The following CWC22 variants were observed in gnomAD, a reference collection of about 807,000 sequenced individuals.
The protein encoded by CWC22 is CWC22 spliceosome associated protein.
A neutral mutation model predicts 117.2 loss-of-function variants in CWC22; 53 were observed. The observed-to-expected ratio is 0.45, with a 90% confidence interval of 0.36 to 0.57. CWC22 has a LOEUF of 0.57. Ranked by LOEUF, CWC22 falls within the 20% of genes least tolerant of loss-of-function variation. The probability of loss-of-function intolerance (pLI) is 0.00; values close to 1 mark genes in which losing one functional copy is unlikely to be tolerated. For missense variants in CWC22, 980 were observed against 1,068.8 expected, an observed-to-expected ratio of 0.92 and a Z score of 1.16; for synonymous variants, 360 against 355.6, an observed-to-expected ratio of 1.01 and a Z score of -0.14.
intron 2 of CWC22, among the ~76,000 whole-genome samples, chr2:179,992,842 C>T (rs1319157621): frequency 6.6e-6 from 1 of 152,216 alleles, no homozygotes; most frequent in African/African-American, 2.4e-5. Flanking sequence ...AAGTACAGCA[C>T]AGAATAAAGA....
intron 6 of CWC22, among the ~76,000 whole-genome samples, chr2:179,974,399 T>C (rs1687105904): frequency 6.6e-6 from 1 of 152,242 alleles, no homozygotes; most frequent in South Asian, 2.1e-4. Flanking sequence ...GTAACTCATT[T>C]TGAAAATGGT....
chr2:179,984,605 G>C (rs1037653449), intron 4 of CWC22, among the ~76,000 whole-genome samples: 3 of 151,918 alleles, frequency 2.0e-5, no homozygotes, highest in Non-Finnish European at 4.4e-5. Context: ...ATCAAAAAAA[G>C]ATATTGATTT....
intron 19 of CWC22, among the ~76,000 whole-genome samples, chr2:179,950,169 G>A (rs1686408469): frequency 6.6e-6 from 1 of 152,076 alleles, no homozygotes; most frequent in African/African-American, 2.4e-5. Flanking sequence ...AATATTAAAA[G>A]TAAAAAACTA....
chr2:179,964,340 C>T (rs1192035854), intron 13 of CWC22, among the ~76,000 whole-genome samples: 2 of 152,044 alleles, frequency 1.3e-5, no homozygotes, highest in African/African-American at 4.8e-5. Context: ...ACAATTAGAC[C>T]TTCCCATTAA....
chr2:179,960,362 A>C (rs189383953), intron 13 of CWC22, among the ~76,000 whole-genome samples: 1 of 152,156 alleles, frequency 6.6e-6, no homozygotes, highest in African/African-American at 2.4e-5. Context: ...TAAATCTAAG[A>C]AAGAAAAAAA....
chr2:179,950,746 T>G lies in CWC22; in HGVS notation c.1920-14A>C, dbSNP rs750035515. 1.9e-5 allele frequency: 30 copies of G among 1,603,570 alleles called. 1 individual carries two copies. In the South Asian group the frequency reaches 2.6e-4, roughly 14 times the overall value. On this transcript the variant is annotated splice_polypyrimidine_tract_variant and intron_variant, in intron 18 of 19. Coordinates refer to ENST00000410053, the MANE Select transcript of CWC22 (RefSeq NM_020943.3). ...CGCAGTTCATCCCTAATTTAAAATA[T>G]AATCTGTTAGATTCTATTTCAAAGA...
rs916259140 is a variant in CWC22, at chr2:179,987,720, A to T, written c.95+857T>A. 7.2e-5 allele frequency among the ~76,000 whole-genome samples: 11 copies of T among 152,006 alleles called. No individual in the cohort carries two copies. The East Asian group carries it at 7.7e-4, about 11-fold the overall frequency. Reference sequence around the variant, plus strand: ...AAATTATTTTTAATGGGCATAAAAAATTTTTTTTACAGTCATTATTTTTAA... The same window carrying T: ...AAATTATTTTTAATGGGCATAAAAATTTTTTTTTACAGTCATTATTTTTAA... On this transcript the variant is annotated intron_variant, in intron 3 of 19. Coordinates refer to ENST00000410053, the MANE Select transcript of CWC22 (RefSeq NM_020943.3).
At chr2:180,006,605 A>T (rs1250117566) in intron 1 of CWC22, among the ~76,000 whole-genome samples, 4 of 152,246 alleles carry the variant, frequency 2.6e-5, no homozygotes, top group Non-Finnish European at 5.9e-5. Context: ...GGCAAGAGGC[A>T]TAAGAGTGCA....
At position 179,981,855 on chromosome 2, in the gene CWC22, T is replaced by C; in HGVS notation, c.349A>G (p.Lys117Glu). The change falls in exon 5 of 20, where the codon AAA (lysine) becomes GAA (glutamate). Residue 117 changes from lysine (K) to glutamate (E), a missense_variant. By Grantham distance (56) the Lys-to-Glu change is moderately conservative. Around this residue, in one of 3 missense-constraint regions of CWC22, gnomAD observed 559 missense variants for 602.3 expected, o/e 0.93. Coordinates refer to ENST00000410053, the MANE Select transcript of CWC22 (RefSeq NM_020943.3). ...SSAQDEPATK[K>E]KKDELDPLLT... ...AGAGGATCCAGCTCATCTTTCTTTT[T>C]CTTTGTAGCAGGTTCATCCTGAGCA... The C allele has an allele frequency of 1.2e-6, 2 of 1,613,788 alleles. No individual in the cohort carries two copies. Among genetic ancestry groups the C allele is most frequent in the Non-Finnish European group, 1.7e-6 (2 of 1,179,798 alleles).
At chr2:179,964,094 T>C (rs1686828470) in intron 13 of CWC22, among the ~76,000 whole-genome samples, 5 of 152,250 alleles carry the variant, frequency 3.3e-5, no homozygotes, top group Admixed American at 3.3e-4. Context: ...TAATTCCTAT[T>C]TCTGTTTATA....
intron 19 of CWC22, among the ~76,000 whole-genome samples, 151 bp from the exon 20 acceptor site, chr2:179,945,866 G>C (rs992121344): frequency 1.3e-5 from 2 of 152,148 alleles, no homozygotes; most frequent in Non-Finnish European, 2.9e-5. Flanking sequence ...TGATGACACA[G>C]AGTCTTACCA....
chr2:179,987,024 C>A (rs542825801), intron 3 of CWC22, among the ~76,000 whole-genome samples: 1 of 152,254 alleles, frequency 6.6e-6, no homozygotes, highest in East Asian at 1.9e-4. Context: ...ATTCACTTAA[C>A]CAAACTTACT....
At chr2:180,000,992 G>A (rs1028116295) in intron 1 of CWC22, among the ~76,000 whole-genome samples, 1 of 152,156 alleles carries the variant, frequency 6.6e-6, no homozygotes, top group Non-Finnish European at 1.5e-5. Context: ...CAATCATTTG[G>A]AAATACTATT....
chr2:179,947,457 T>G (rs1002598031), intron 19 of CWC22, among the ~76,000 whole-genome samples: 1 of 152,222 alleles, frequency 6.6e-6, no homozygotes, highest in Non-Finnish European at 1.5e-5. Flanking sequence ...TTCCTAATTT[T>G]GGGGCAGTTC....
rs559815981 is a variant in CWC22, at chr2:179,994,286, G to A, written c.-113-832C>T. ...GAATGCAGAGAAAGCAACGTGCTTA[G>A]TAGCAAAATAACTGAATACAACTGG... On this transcript the variant is annotated intron_variant, in intron 1 of 19. Transcript: ENST00000410053. Among the ~76,000 whole-genome samples the A allele has an allele frequency of 3.0e-3, 460 of 151,980 alleles. 3 individuals are homozygous for A. The highest frequency in any genetic ancestry group is 0.011 in the African/African-American group (443 of 41,566).
intron 2 of CWC22, among the ~76,000 whole-genome samples, chr2:179,992,500 C>T (rs1687592204): frequency 6.6e-6 from 1 of 152,168 alleles, no homozygotes; most frequent in Admixed American, 6.5e-5. Context: ...CTACTCATCC[C>T]TCTATTAAAA....
chr2:179,949,414 G>T (rs1575636472), intron 19 of CWC22, among the ~76,000 whole-genome samples: 1 of 152,198 alleles, frequency 6.6e-6, no homozygotes, highest in Non-Finnish European at 1.5e-5. Flanking sequence ...GGCCAATAAT[G>T]GATAAAATGG....
intron 2 of CWC22, among the ~76,000 whole-genome samples, chr2:179,990,010 C>A (rs1300080064): frequency 6.6e-6 from 1 of 152,086 alleles, no homozygotes; most frequent in African/African-American, 2.4e-5. Flanking sequence ...TTATGACTAT[C>A]TAATTAACAG....
intron 2 of CWC22, among the ~76,000 whole-genome samples, chr2:179,989,911 T>C (rs1687518426): frequency 6.6e-6 from 1 of 152,170 alleles, no homozygotes; most frequent in South Asian, 2.1e-4. Flanking sequence ...TCTGCAAACT[T>C]ACATGCTTGC....
Sources: gnomAD v4.1 joint callset for allele counts (sites outside exome capture counted in the v4.1 genomes callset) on GRCh38, gnomAD v4.1.1 for gene constraint, gnomAD v4.1.1 regional missense constraint, MANE v1.5 for transcripts, NCBI Gene and HGNC (gene_info 2026-07-23, HGNC 2026-07-21) for gene names.